Variants in GPR141 observed in about 807,000 individuals in gnomAD.
GPR141 encodes probable G protein-coupled receptor 141.
Under a neutral mutation model 6.8 loss-of-function variants are expected in GPR141, and 6 were observed. That is an observed-to-expected ratio of 0.88 (90% CI 0.48 to 1.74). The LOEUF (loss-of-function observed/expected upper bound fraction) is 1.74. Among genes scored for constraint, GPR141 ranks in the 40% most tolerant of loss-of-function variants. The probability of loss-of-function intolerance (pLI) is 0.01; values close to 1 mark genes in which losing one functional copy is unlikely to be tolerated. For synonymous variants in GPR141, 140 were observed against 142.3 expected, an observed-to-expected ratio of 0.98 and a Z score of 0.11; for missense variants, 372 against 372.9, an observed-to-expected ratio of 1.00 and a Z score of 0.02.
chr7:37,712,490 A>T (rs1810848256), intron 2 of GPR141, among the ~76,000 whole-genome samples: 2 of 152,096 alleles, frequency 1.3e-5, no homozygotes. Flanking sequence ...TGGACTAATG[A>T]TGCTAGACTG....
intron 2 of GPR141, among the ~76,000 whole-genome samples, chr7:37,718,252 C>T (rs1172664016): frequency 6.6e-6 from 1 of 152,094 alleles, no homozygotes; most frequent in Non-Finnish European, 1.5e-5. Flanking sequence ...AGAAATTAAA[C>T]AGTTCCAGTG....
rs1812501820 is a variant in GPR141 at position 37,740,711 on chromosome 7, T to C, written c.318T>C (p.Tyr106=). Reference sequence around the variant, plus strand: ...ACATGTACCTCACGTTCCTATTCTATGTGGTGATCCTGGTCACCAGATACC... The same window carrying C: ...ACATGTACCTCACGTTCCTATTCTACGTGGTGATCCTGGTCACCAGATACC... The part of the protein sequence containing the change: ...HIHMYLTFLF[Y]VVILVTRYLI... The change falls in exon 3 of 3, where the codon TAT becomes TAC. Residue 106 remains tyrosine (Y), a synonymous_variant. Transcript: ENST00000334425. 1.9e-6 allele frequency: 3 copies of C among 1,614,152 alleles called. No homozygotes were observed. In the East Asian group the frequency reaches 6.7e-5, roughly 36 times the overall value.
chr7:37,705,105 C>G (rs1418294999), intron 2 of GPR141, among the ~76,000 whole-genome samples: 2 of 152,070 alleles, frequency 1.3e-5, no homozygotes, highest in Admixed American at 6.6e-5. Flanking sequence ...AGATATTTCT[C>G]TAAAAACCCA....
chr7:37,701,905 T>G (rs1317712077), intron 2 of GPR141, among the ~76,000 whole-genome samples: 1 of 152,220 alleles, frequency 6.6e-6, no homozygotes, highest in East Asian at 1.9e-4. Context: ...CCTCTCAAAC[T>G]TATTTCAATG....
chr7:37,728,268 A>AAG (rs202066618), intron 2 of GPR141, among the ~76,000 whole-genome samples: 4 of 42,534 alleles, frequency 9.4e-5, no homozygotes, highest in African/African-American at 1.7e-4. Context: ...CTCCTACCAA[A>AAG]CAGGAGATTT....
chr7:37,703,449 A>C (rs1810383822), intron 2 of GPR141, among the ~76,000 whole-genome samples: 1 of 152,138 alleles, frequency 6.6e-6, no homozygotes. Context: ...TTATCTCTCA[A>C]AAAAACTGCC....
chr7:37,688,404 C>T (rs1434377271), intron 2 of GPR141, among the ~76,000 whole-genome samples: 1 of 151,966 alleles, frequency 6.6e-6, no homozygotes, highest in African/African-American at 2.4e-5. Flanking sequence ...TCCACTTCAA[C>T]CTGGGCAACA....
Position 37,741,053 on chromosome 7 carries a change from G to A in GPR141, c.660G>A (p.Glu220=). ...GCCACTCTTTACTATCCCACCAGGA[G>A]TTCTGGGCTCAGCTGAAAAACCTAT... ...KLRHSLLSHQ[E]FWAQLKNLFF... Residue 220 remains glutamate (E), a synonymous_variant, in exon 3 of 3, where the codon GAG becomes GAA. Transcript: ENST00000334425. 1 of 1,614,142 alleles carries A rather than the reference G, an allele frequency of 6.2e-7. No homozygotes were observed. Among genetic ancestry groups the A allele is most frequent in the Non-Finnish European group, 8.5e-7 (1 of 1,179,980 alleles).
At chr7:37,691,427 A>G (rs911818162) in intron 2 of GPR141, among the ~76,000 whole-genome samples, 1 of 151,466 alleles carries the variant, frequency 6.6e-6, no homozygotes, top group Non-Finnish European at 1.5e-5. Context: ...GGAGAATTTA[A>G]TCCATTTACA....
chr7:37,687,727 C>T (rs978211907), intron 2 of GPR141, among the ~76,000 whole-genome samples: 23 of 152,068 alleles, frequency 1.5e-4, no homozygotes, highest in African/African-American at 4.8e-4. Context: ...CTTGCATGTT[C>T]TACAAATTCA....
In GPR141 at chr7:37,740,937, A is replaced by C; in HGVS notation, c.544A>C (p.Asn182His). 1 of 1,614,072 alleles carries C rather than the reference A, an allele frequency of 6.2e-7. No homozygotes were observed. Among genetic ancestry groups the C allele is most frequent in the Non-Finnish European group, 8.5e-7 (1 of 1,179,928 alleles). The change falls in exon 3 of 3, where the codon AAC becomes CAC. Residue 182 changes from asparagine (N) to histidine (H), a missense_variant. Asn to His is a moderately conservative substitution (Grantham distance 68, BLOSUM62 1). Transcript: ENST00000334425. ...TGCTTACACATATGTGAAAATCATC[A>C]ACTATATGATAGTCATTTTTGTCAT... is the stretch of plus-strand genomic sequence containing the variant. Reference protein sequence around the residue: ...ELAYTYVKIINYMIVIFVIAV... With the variant: ...ELAYTYVKIIHYMIVIFVIAV...
rs1811700144 is a variant in GPR141, at chr7:37,727,677, A to C, written c.-14-12703A>C. Among the ~76,000 whole-genome samples the C allele has an allele frequency of 3.3e-5, 5 of 152,256 alleles. No individual in the cohort carries two copies. In the South Asian group the frequency reaches 1.0e-3, roughly 32 times the overall value. The stretch of plus-strand genomic sequence containing the variant: ...CTGAAGCATGTACTTTTCTTTTCCA[A>C]GCCCAGACTCTTCAATTTTTGTTTA... On this transcript the variant is annotated intron_variant, in intron 2 of 2. Coordinates refer to ENST00000334425, the MANE Select transcript of GPR141 (RefSeq NM_001381946.1).
chr7:37,731,091 C>T (rs932180426), intron 2 of GPR141, among the ~76,000 whole-genome samples: 4 of 152,058 alleles, frequency 2.6e-5, no homozygotes, highest in Non-Finnish European at 5.9e-5. Flanking sequence ...AGAAATATGC[C>T]CTGGAGGATA....
In GPR141 at chr7:37,740,970, G is replaced by T. The variant is rs750308560; in HGVS notation, c.577G>T (p.Ala193Ser). The stretch of plus-strand genomic sequence containing the variant: ...GATAGTCATTTTTGTCATAGCCGTT[G>T]CTGTGATTCTGTTGGTCTTCCAGGT... ...YMIVIFVIAV[A>S]VILLVFQVFI... The change falls in exon 3 of 3, where the codon GCT becomes TCT. Residue 193 changes from alanine to serine, a missense_variant. Physicochemically the swap from Ala to Ser is moderately conservative, Grantham distance 99. Coordinates refer to ENST00000334425, the MANE Select transcript of GPR141 (RefSeq NM_001381946.1). 3.7e-6 allele frequency: 6 copies of T among 1,613,954 alleles called. No homozygotes were observed. Among genetic ancestry groups the T allele is most frequent in the Non-Finnish European group, 5.1e-6 (6 of 1,179,850 alleles).
At chr7:37,689,783 T>A (rs1809673370) in intron 2 of GPR141, among the ~76,000 whole-genome samples, 1 of 152,004 alleles carries the variant, frequency 6.6e-6, no homozygotes, top group African/African-American at 2.4e-5. Flanking sequence ...ATTTGGGTAT[T>A]TTCTCTTTTA....
intron 2 of GPR141, among the ~76,000 whole-genome samples, chr7:37,722,127 T>C (rs1811355994): frequency 6.6e-6 from 1 of 152,230 alleles, no homozygotes; most frequent in Admixed American, 6.5e-5. Flanking sequence ...CACTTTTTTA[T>C]TGGACACCAC....
At chr7:37,733,895 A>G (rs1812109090) in intron 2 of GPR141, among the ~76,000 whole-genome samples, 1 of 152,126 alleles carries the variant, frequency 6.6e-6, no homozygotes, top group Non-Finnish European at 1.5e-5. Flanking sequence ...ATATTGGCCG[A>G]GTATCGTGCC....
At chr7:37,693,321 G>A (rs1305899273) in intron 2 of GPR141, among the ~76,000 whole-genome samples, 3 of 152,086 alleles carry the variant, frequency 2.0e-5, no homozygotes, top group South Asian at 2.1e-4. Flanking sequence ...GTAGATATGC[G>A]GCATTATTTC....
chr7:37,690,540 G>A (rs182990734), intron 2 of GPR141, among the ~76,000 whole-genome samples: 210 of 152,268 alleles, frequency 1.4e-3, no homozygotes, highest in African/African-American at 4.7e-3. Context: ...TGTAGAGCCT[G>A]CAGAGCCATG....
Sources: gnomAD v4.1 joint callset for allele counts (sites outside exome capture counted in the v4.1 genomes callset) on GRCh38, gnomAD v4.1.1 for gene constraint, MANE v1.5 for transcripts, NCBI Gene and HGNC (gene_info 2026-07-23, HGNC 2026-07-21) for gene names.